Variants in POLD2 observed in about 807,000 individuals in gnomAD.
The protein encoded by POLD2 is DNA polymerase delta 2, accessory subunit, also known as DNA polymerase delta subunit 2.
A neutral mutation model predicts 48.8 loss-of-function variants in POLD2; 31 were observed. The ratio of observed to expected loss-of-function variants is 0.64; its 90% CI spans 0.48 to 0.86. POLD2 has a LOEUF of 0.86. Ranked by LOEUF, POLD2 falls within the 40% of genes least tolerant of loss-of-function variation. POLD2 has a pLI of 0.00. For missense variants in POLD2, 455 were observed against 610.1 expected, an observed-to-expected ratio of 0.75 and a Z score of 2.68; for synonymous variants, 233 against 256.3, an observed-to-expected ratio of 0.91 and a Z score of 0.87.
At chr7:44,118,753 T>C (rs1039624707) in intron 2 of POLD2, among the ~76,000 whole-genome samples, 4 of 152,020 alleles carry the variant, frequency 2.6e-5, no homozygotes, top group Admixed American at 6.5e-5. Flanking sequence ...TCTCTTGACC[T>C]TGTGATCTGC....
chr7:44,122,578 C>G lies in POLD2; in HGVS notation c.-56-469G>C, dbSNP rs2096249730. 9.2e-6 allele frequency: 4 copies of G among 436,300 alleles called. No individual in the cohort carries two copies. In the South Asian group the frequency reaches 3.8e-4, roughly 41 times the overall value. 27.0% of individuals were successfully genotyped at this position (436,300 alleles called of 1,614,324 possible). A position where few individuals can be genotyped will look rare whatever the true frequency, so the allele number is the denominator to read the frequency against. ...ACCAAAACATAAATCAGTCACTGCT[C>G]TGTTCAAAACTCTCCAAAGTGTCCT... On this transcript the variant is annotated intron_variant, in intron 1 of 10. Transcript: ENST00000610533.
chr7:44,121,972 G>A lies in POLD2; in HGVS notation c.82C>T (p.Pro28Ser). Reference protein sequence around the residue: ...SANNATFARVPVATYTNSSQP... With the variant: ...SANNATFARVSVATYTNSSQP... ...GAGGAGTTGGTGTAGGTTGCCACTG[G>A]CACCCGGGCAAAGGTGGCATTGTTG... is the stretch of plus-strand genomic sequence containing the variant. Residue 28 changes from proline to serine, a missense_variant, in exon 2 of 11, where the codon CCA becomes TCA. This residue lies in a region of POLD2 where 349 missense variants were observed against 437.4 expected (regional missense o/e 0.80). Coordinates refer to ENST00000610533, the MANE Select transcript of POLD2 (RefSeq NM_006230.4). The surrounding 1 kb of genome is among the most constrained non-coding windows in gnomAD (Gnocchi z 4.5). 1 of 1,613,870 alleles carries A rather than the reference G, an allele frequency of 6.2e-7. No individual in the cohort carries two copies. The highest frequency in any genetic ancestry group is 8.5e-7 in the Non-Finnish European group (1 of 1,180,028).
At chr7:44,123,770 G>C, upstream of POLD2, 1 of 1,259,350 alleles carries the variant, frequency 7.9e-7, no homozygotes, top group East Asian at 3.2e-5. Flanking sequence ...CGGGTCTTTG[G>C]TTGGCGGCCG....
At chr7:44,117,109 C>T (rs189170238) in intron 5 of POLD2, 24 bp downstream of exon 5, 22 of 1,611,884 alleles carry the variant, frequency 1.4e-5, no homozygotes, top group East Asian at 2.2e-5. Flanking sequence ...GAGCTGGTTC[C>T]AGCTCCCGAG....
At position 44,122,420 on chromosome 7, in the gene POLD2, A is replaced by G. The variant is rs761673245; in HGVS notation, c.-56-311T>C. 2.0e-5 allele frequency: 22 copies of G among 1,095,984 alleles called. No individual in the cohort carries two copies. In the South Asian group the frequency reaches 2.1e-4, roughly 10 times the overall value. The allele number at this position is 1,095,984 out of a possible 1,614,324, so 67.9% of individuals were successfully genotyped here. A position where few individuals can be genotyped will look rare whatever the true frequency, so the allele number is the denominator to read the frequency against. ...TCTCAATCAAGTTCAGTTTGCCCCAAATGGAATTCCCGATCTGCCTCCATC... is the reference window on the plus strand; with the variant it reads ...TCTCAATCAAGTTCAGTTTGCCCCAGATGGAATTCCCGATCTGCCTCCATC... On this transcript the variant is annotated intron_variant, in intron 1 of 10. Transcript: ENST00000610533.
chr7:44,118,324 A>C, intron 2 of POLD2: 1 of 370,254 alleles, frequency 2.7e-6, no homozygotes, highest in Non-Finnish European at 5.0e-6. Flanking sequence ...ACACACAGAC[A>C]AGAGGGAGTG....
chr7:44,118,660 G>C lies in POLD2; in HGVS notation c.221-596C>G, dbSNP rs1187156637. On this transcript the variant is annotated intron_variant, in intron 2 of 10. Transcript: ENST00000610533. ...CCCGAGTAGCTGGGACTACAGGCGT[G>C]TGCCACCACGCCCAGCTAATTTTTT... Among the ~76,000 whole-genome samples, 33 of 151,908 alleles carry C rather than the reference G, an allele frequency of 2.2e-4. No homozygotes were observed. In the East Asian group the frequency reaches 4.7e-3, roughly 21 times the overall value.
chr7:44,123,775 C>G (rs568202046), upstream of POLD2: 4 of 1,235,358 alleles, frequency 3.2e-6, no homozygotes, highest in South Asian at 8.0e-5. Context: ...CTTTGGTTGG[C>G]GGCCGCGCGT....
At chr7:44,123,314 A>G (rs1444669563) in intron 1 of POLD2, 197 bp downstream of exon 1, 8 of 1,365,230 alleles carry the variant, frequency 5.9e-6, no homozygotes, top group Non-Finnish European at 7.5e-6. Flanking sequence ...TGATGGCGGC[A>G]GCAGCCAGGC....
intron 9 of POLD2, 74 bp from the exon 10 acceptor site, chr7:44,115,470 G>T: frequency 1.0e-6 from 1 of 999,848 alleles, no homozygotes; most frequent in Non-Finnish European, 1.6e-6. Flanking sequence ...TGGGGCTGCA[G>T]CCCCTCCTCC....
chr7:44,123,861 T>TC (rs2128813591), upstream of POLD2, among the ~76,000 whole-genome samples: 1 of 152,212 alleles, frequency 6.6e-6, no homozygotes, highest in East Asian at 1.9e-4. Flanking sequence ...TGCCCAAACC[T>TC]CCCAGTGGTC....
At chr7:44,117,342 A>G (rs1308452013) in intron 4 of POLD2, 95 bp from the exon 5 acceptor site, 13 of 892,758 alleles carry the variant, frequency 1.5e-5, no homozygotes, top group Non-Finnish European at 2.2e-5. Flanking sequence ...GTTCTCCACA[A>G]CCACATTGGT....
In POLD2 at chr7:44,114,863, G is replaced by A. The variant is rs759482176; in HGVS notation, c.1332C>T (p.Ser444=). ...TQTACLVNLR[S]LACQPISFSG... ...AGAAGCTGATGGGCTGGCAGGCCAGGCTGCGCAGGTTCACAAGGCAGGCGG... is the reference window on the plus strand; with the variant it reads ...AGAAGCTGATGGGCTGGCAGGCCAGACTGCGCAGGTTCACAAGGCAGGCGG... The change falls in exon 11 of 11, where the codon AGC becomes AGT. Residue 444 remains serine (S), a synonymous_variant. Coordinates refer to ENST00000610533, the MANE Select transcript of POLD2 (RefSeq NM_006230.4). 1.2e-6 allele frequency: 2 copies of A among 1,613,912 alleles called. No homozygotes were observed. The highest frequency in any genetic ancestry group is 2.2e-5 in the South Asian group (2 of 91,060).
chr7:44,119,268 C>T (rs987910161), intron 2 of POLD2, among the ~76,000 whole-genome samples: 3 of 152,006 alleles, frequency 2.0e-5, no homozygotes, highest in Non-Finnish European at 4.4e-5. Flanking sequence ...ATACAGGTGC[C>T]CACACAGCAC....
upstream of POLD2, among the ~76,000 whole-genome samples, chr7:44,124,043 C>G (rs1183169535): frequency 6.6e-6 from 1 of 152,220 alleles, no homozygotes; most frequent in African/African-American, 2.4e-5. Flanking sequence ...AGTAACTCTT[C>G]CTGAAGGGAT....
intron 2 of POLD2, among the ~76,000 whole-genome samples, chr7:44,119,640 A>G (rs1273723046): frequency 6.6e-6 from 1 of 152,250 alleles, no homozygotes; most frequent in East Asian, 1.9e-4. Flanking sequence ...CCAAGGGCAC[A>G]CAACTGGGAT....
At chr7:44,119,913 C>T (rs1348436912) in intron 2 of POLD2, among the ~76,000 whole-genome samples, 2 of 152,176 alleles carry the variant, frequency 1.3e-5, no homozygotes, top group Non-Finnish European at 2.9e-5. Context: ...CTTCAGGTGG[C>T]CCCTCAAAGA....
At chr7:44,123,777 G>A, upstream of POLD2, 2 of 1,223,288 alleles carry the variant, frequency 1.6e-6, no homozygotes, top group Non-Finnish European at 2.1e-6. Flanking sequence ...TTGGTTGGCG[G>A]CCGCGCGTGC....
At chr7:44,117,447 C>A (rs777367864) in intron 4 of POLD2, 172 bp downstream of exon 4, 17 of 849,062 alleles carry the variant, frequency 2.0e-5, no homozygotes, top group Non-Finnish European at 3.1e-5. Context: ...CCAGGTCTCA[C>A]CCAATCTGAT....
Sources: gnomAD v4.1 joint callset for allele counts (sites outside exome capture counted in the v4.1 genomes callset) on GRCh38, gnomAD v4.1.1 for gene constraint, gnomAD v4.1.1 regional missense constraint, Gnocchi (gnomAD v3.1) non-coding constraint, MANE v1.5 for transcripts, NCBI Gene and HGNC (gene_info 2026-07-23, HGNC 2026-07-21) for gene names.